Variants in RC3H2 observed in about 807,000 individuals in gnomAD.
RC3H2 encodes ring finger and CCCH-type domains 2.
RC3H2 carries 31 observed loss-of-function variants against 133.3 expected under a neutral mutation model. The observed-to-expected ratio is 0.23, with a 90% CI of 0.17 to 0.31. The LOEUF is 0.31. Ranked by LOEUF, RC3H2 falls within the 10% of genes least tolerant of loss-of-function variation. The pLI, the probability that RC3H2 is intolerant of heterozygous loss-of-function variation, is 1.00. For synonymous variants in RC3H2, 517 were observed against 502.2 expected (o/e 1.03, Z -0.40); for missense variants, 1,175 against 1,437.2 (o/e 0.82, Z 2.95).
Position 122,848,994 on chromosome 9 carries a change from TTA to T in RC3H2, c.*631_*632del, listed in dbSNP as rs1198501846. The T allele has an allele frequency of 6.6e-6, 1 of 151,900 alleles. No individual in the cohort carries two copies. Among genetic ancestry groups the T allele is most frequent in the Non-Finnish European group, 1.5e-5 (1 of 67,940 alleles). The allele number at this position is 151,900 out of a possible 1,614,324, so 9.4% of individuals were successfully genotyped here. On this transcript the variant is annotated 3_prime_UTR_variant, in exon 21 of 21. Transcript: ENST00000357244. ...TGAAAAATGGAAAATTAAAAAAAAA[TTA>T]TATGCTACAGATAAAAGCACTGCAC...
chr9:122,893,166 T>TA, intron 2 of RC3H2, 140 bp from the exon 3 acceptor site: 1 of 1,242,016 alleles, frequency 8.1e-7, no homozygotes, highest in African/African-American at 1.5e-5. Context: ...TAAGTAAAAT[T>TA]AAAGTCAAAC....
At chr9:122,903,828 T>C (rs528320250) in intron 1 of RC3H2, among the ~76,000 whole-genome samples, 1 of 152,344 alleles carries the variant, frequency 6.6e-6, no homozygotes, top group African/African-American at 2.4e-5. Flanking sequence ...AAATTGAACG[T>C]GGAAGTAAAC....
chr9:122,844,753 C>T lies in RC3H2; in HGVS notation c.*4874G>A, dbSNP rs965995104. 3.9e-5 allele frequency: 6 copies of T among 152,168 alleles called. No homozygotes were observed. Among genetic ancestry groups the T allele is most frequent in the African/African-American group, 1.4e-4 (6 of 41,414 alleles). The allele number at this position is 152,168 out of a possible 1,614,324, so 9.4% of individuals were successfully genotyped here. ...TCTTTGCTATTCACTATCATCACAA[C>T]CCTCATTGTTCCATCTCTGCCCTCC... On this transcript the variant is annotated 3_prime_UTR_variant, in exon 21 of 21. Transcript: ENST00000357244.
chr9:122,883,748 G>A (rs1272717806), intron 4 of RC3H2, among the ~76,000 whole-genome samples: 1 of 152,108 alleles, frequency 6.6e-6, no homozygotes, highest in Non-Finnish European at 1.5e-5. Context: ...TTGAGAGGCC[G>A]AGGCAGGACG....
chr9:122,887,599 A>G (rs986131595), intron 4 of RC3H2, among the ~76,000 whole-genome samples: 1 of 152,132 alleles, frequency 6.6e-6, no homozygotes, highest in African/African-American at 2.4e-5. Flanking sequence ...TGTTATGGTT[A>G]TTCATCACTT....
intron 9 of RC3H2, among the ~76,000 whole-genome samples, chr9:122,866,381 T>TCC (rs1381115388): frequency 0.099 from 1,858 of 18,712 alleles, 71 homozygotes; most frequent in African/African-American, 0.16. Context: ...CCCTCCCCCC[T>TCC]CCCTCTCCCC....
At chr9:122,873,127 AATTT>A (rs753491304) in intron 9 of RC3H2, among the ~76,000 whole-genome samples, 37 of 152,192 alleles carry the variant, frequency 2.4e-4, no homozygotes, top group South Asian at 1.2e-3. Context: ...AGGTAAAATT[AATTT>A]ATTTAAGTTG....
In RC3H2 at chr9:122,905,242, A is replaced by C. The variant is rs2131521558; in HGVS notation, c.-200T>G. 1.0e-6 allele frequency: 1 copy of C among 985,458 alleles called. No homozygotes were observed. The highest frequency in any genetic ancestry group is 1.1e-4 in the East Asian group (1 of 8,780). 61.0% of individuals were successfully genotyped at this position (985,458 alleles called of 1,614,324 possible). On this transcript the variant is annotated 5_prime_UTR_variant, in exon 1 of 21. Coordinates refer to ENST00000357244, the MANE Select transcript of RC3H2 (RefSeq NM_001100588.3). ...TTTCACGACCTCAAACTCCATCGGGAGCTACAGGGACAGCCCCGTTGGCGG... is the reference window on the plus strand; with the variant it reads ...TTTCACGACCTCAAACTCCATCGGGCGCTACAGGGACAGCCCCGTTGGCGG...
At chr9:122,887,191 A>T (rs1300899868) in intron 4 of RC3H2, among the ~76,000 whole-genome samples, 1 of 152,200 alleles carries the variant, frequency 6.6e-6, no homozygotes, top group Non-Finnish European at 1.5e-5. Context: ...TTCTAATTGT[A>T]TCATTTTCTA....
chr9:122,861,609 T>C (rs919138493), intron 10 of RC3H2, among the ~76,000 whole-genome samples: 1 of 152,190 alleles, frequency 6.6e-6, no homozygotes, highest in Non-Finnish European at 1.5e-5. Context: ...TAGTCAAATT[T>C]TGACAAAGCT....
chr9:122,888,497 T>G (rs1388530441), intron 4 of RC3H2, among the ~76,000 whole-genome samples: 1 of 152,208 alleles, frequency 6.6e-6, no homozygotes, highest in Admixed American at 6.5e-5. Flanking sequence ...TCTATTTTTT[T>G]GCCATTGTTT....
chr9:122,849,915 T>TTTAG, intron 20 of RC3H2, 93 bp from the exon 21 acceptor site: 1 of 780,222 alleles, frequency 1.3e-6, no homozygotes, highest in Non-Finnish European at 1.9e-6. Flanking sequence ...TACAGCAAAC[T>TTTAG]TTAGGAGTCT....
chr9:122,856,245 G>C (rs936503271), intron 13 of RC3H2, among the ~76,000 whole-genome samples: 1 of 152,026 alleles, frequency 6.6e-6, no homozygotes, highest in Non-Finnish European at 1.5e-5. Context: ...TCCTAAAGGA[G>C]TTTATAATTT....
At chr9:122,896,656 T>C (rs763092991) in intron 2 of RC3H2, among the ~76,000 whole-genome samples, 14 of 152,164 alleles carry the variant, frequency 9.2e-5, no homozygotes, top group Non-Finnish European at 1.9e-4. Flanking sequence ...TATTACTGAA[T>C]AAAGTTCAAT....
Position 122,860,122 on chromosome 9 carries a change from A to T in RC3H2, c.1644T>A (p.Gly548=), listed in dbSNP as rs1216471349. 4 of 1,613,548 alleles carry T rather than the reference A, an allele frequency of 2.5e-6. No homozygotes were observed. The highest frequency in any genetic ancestry group is 3.4e-6 in the Non-Finnish European group (4 of 1,179,598). Residue 548 remains glycine, a synonymous_variant, in exon 11 of 21, where the codon GGT becomes GGA. Coordinates refer to ENST00000357244, the MANE Select transcript of RC3H2 (RefSeq NM_001100588.3). ...TACTTACAGGAGTCTTGGGTGGAGA[A>T]CCAATTTTACTGGAGAGAAAATTTA... ...SADSVTENKI[G]SPPKTPVSNV...
chr9:122,859,211 G>C (rs537236821), intron 11 of RC3H2, 109 bp from the exon 12 acceptor site: 5 of 716,194 alleles, frequency 7.0e-6, no homozygotes, highest in Non-Finnish European at 8.2e-6. Flanking sequence ...AATAAGCTTT[G>C]AACCTTACCT....
intron 20 of RC3H2, among the ~76,000 whole-genome samples, chr9:122,850,435 TATAG>T (rs6151170): frequency 7.3e-5 from 11 of 149,978 alleles, no homozygotes; most frequent in South Asian, 4.2e-4. Context: ...GCTATCTATC[TATAG>T]ATAGATAGAT....
rs1564296647 is a variant in RC3H2, at chr9:122,868,884, TG to T, written c.1326-3228del. ...GTGTGTGTGTGTGTGTGTGTGTGTG[TG>T]TGTGTATGTGTTTTTTTTTTTTTTT... On this transcript the variant is annotated intron_variant, in intron 9 of 20. Transcript: ENST00000357244. 3.0e-3 allele frequency among the ~76,000 whole-genome samples: 61 copies of T among 20,452 alleles called. 1 individual carries two copies. Among genetic ancestry groups the T allele is most frequent in the Non-Finnish European group, 6.7e-3 (38 of 5,642 alleles). The allele number at this position is 20,452 out of a possible 152,430, so 13.4% of individuals were successfully genotyped here. A position where few individuals can be genotyped will look rare whatever the true frequency, so the allele number is the denominator to read the frequency against.
chr9:122,849,929 G>T, intron 20 of RC3H2, 107 bp from the exon 21 acceptor site: 1 of 625,476 alleles, frequency 1.6e-6, no homozygotes, highest in Non-Finnish European at 2.5e-6. Flanking sequence ...GGAGTCTCTA[G>T]CAAAGACATG....
Sources: allele counts gnomAD v4.1 joint callset (sites outside exome capture counted in the v4.1 genomes callset), GRCh38; gene constraint gnomAD v4.1.1; transcripts MANE v1.5; gene names NCBI Gene and HGNC (gene_info 2026-07-23, HGNC 2026-07-21).